The following PKHD1 variants were observed in gnomAD, a reference collection of about 807,000 sequenced individuals.
PKHD1 encodes the protein PKHD1 ciliary IPT domain containing fibrocystin/polyductin.
A neutral mutation model predicts 412.0 loss-of-function variants in PKHD1; 291 were observed. That is an observed-to-expected ratio of 0.71 (90% CI 0.64 to 0.78). The LOEUF is 0.78. Ranked by LOEUF, PKHD1 falls within the 30% of genes least tolerant of loss-of-function variation. PKHD1 has a pLI of 0.00. For synonymous variants in PKHD1, 1,777 were observed against 1,821.5 expected (o/e 0.98, Z 0.62); for missense variants, 4,825 against 4,950.7 (o/e 0.97, Z 0.76).
At chr6:51,975,639 A>AAAG (rs1267579933) in intron 35 of PKHD1, 15 of 150,742 alleles carry the variant, frequency 1.0e-4, no homozygotes, top group Admixed American at 2.6e-4. Context: ...AAAAAAAAAA[A>AAAG]AACAAAAAGA....
At chr6:51,770,824 G>C (rs1390092168) in intron 55 of PKHD1, among the ~76,000 whole-genome samples, 1 of 151,884 alleles carries the variant, frequency 6.6e-6, no homozygotes, top group Non-Finnish European at 1.5e-5. Flanking sequence ...TGTCATATTT[G>C]CTAAGCTATT....
intron 61 of PKHD1, among the ~76,000 whole-genome samples, chr6:51,651,443 T>C (rs976765528): frequency 6.6e-6 from 1 of 152,150 alleles, no homozygotes; most frequent in African/African-American, 2.4e-5. Flanking sequence ...TGAAATTGTT[T>C]AATCTGCTAA....
chr6:51,965,556 A>T (rs1020356359), intron 35 of PKHD1, among the ~76,000 whole-genome samples: 1 of 152,022 alleles, frequency 6.6e-6, no homozygotes. Flanking sequence ...TGCAGGCTCT[A>T]AGTGATCACT....
chr6:51,624,606 CT>C (rs1286896188), intron 66 of PKHD1, among the ~76,000 whole-genome samples: 1 of 151,942 alleles, frequency 6.6e-6, no homozygotes, highest in East Asian at 1.9e-4. Context: ...AGGGGCGGGT[CT>C]TTTTTTTCCC....
intron 22 of PKHD1, among the ~76,000 whole-genome samples, chr6:52,049,776 T>G (rs1001847030): frequency 6.6e-6 from 1 of 152,136 alleles, no homozygotes; most frequent in African/African-American, 2.4e-5. Flanking sequence ...AGGAATGCAA[T>G]GAAAAGAACA....
Position 51,887,147 on chromosome 6 carries a change from T to C in PKHD1, c.7095A>G (p.Ala2365=), listed in dbSNP as rs1778339251. ...APLLSFTQNI[A]HSCTRYGLFV... Reference sequence around the variant, plus strand: ...CCCAAAGTTACCTGGTACAAGAATGTGCAATGTTCTGAGTGAAGGAAAGAA... The same window carrying C: ...CCCAAAGTTACCTGGTACAAGAATGCGCAATGTTCTGAGTGAAGGAAAGAA... The change falls in exon 44 of 67, where the codon GCA becomes GCG. Residue 2365 remains alanine (A), a synonymous_variant. Transcript: ENST00000371117. 1.9e-6 allele frequency: 3 copies of C among 1,606,172 alleles called. No homozygotes were observed. Among genetic ancestry groups the C allele is most frequent in the African/African-American group, 1.3e-5 (1 of 74,762 alleles).
chr6:51,759,858 C>A (rs9357706), intron 55 of PKHD1, among the ~76,000 whole-genome samples: 3 of 151,956 alleles, frequency 2.0e-5, no homozygotes, highest in African/African-American at 7.2e-5. Context: ...TTTAGCTAAC[C>A]ACCTAACTAG....
intron 64 of PKHD1, among the ~76,000 whole-genome samples, chr6:51,635,604 A>G (rs773605233): frequency 6.6e-6 from 1 of 152,066 alleles, no homozygotes; most frequent in Non-Finnish European, 1.5e-5. Flanking sequence ...ATACATAGAT[A>G]CTATAAAGCC....
chr6:51,662,125 G>A (rs1772958412), intron 60 of PKHD1, among the ~76,000 whole-genome samples: 1 of 151,608 alleles, frequency 6.6e-6, no homozygotes, highest in Admixed American at 6.6e-5. Context: ...TTAAAATTTG[G>A]GGAATGAAGT....
chr6:51,896,017 A>G (rs1170727783), intron 43 of PKHD1, among the ~76,000 whole-genome samples: 1 of 152,160 alleles, frequency 6.6e-6, no homozygotes, highest in Non-Finnish European at 1.5e-5. Context: ...GGAGGGTCCT[A>G]TGCCCACGGA....
At chr6:51,715,381 A>C (rs1275883268) in intron 60 of PKHD1, among the ~76,000 whole-genome samples, 1 of 152,192 alleles carries the variant, frequency 6.6e-6, no homozygotes, top group African/African-American at 2.4e-5. Context: ...TCCTTCTAAC[A>C]TGCAGAGAAA....
At chr6:52,008,554 AGATGATGG>A (rs2059818950) in intron 35 of PKHD1, among the ~76,000 whole-genome samples, 1 of 152,212 alleles carries the variant, frequency 6.6e-6, no homozygotes. Flanking sequence ...TTAGACTTTG[AGATGATGG>A]GAAATTAAAT....
rs1222982967 is a variant in PKHD1, at chr6:52,086,079, T to C, written c.-84-1062A>G. On this transcript the variant is annotated intron_variant, in intron 1 of 66. Transcript: ENST00000371117. ...TTTAATATATATATACATACCTACATACACACACACACATACACACACACA... is the reference window on the plus strand; with the variant it reads ...TTTAATATATATATACATACCTACACACACACACACACATACACACACACA... Among the ~76,000 whole-genome samples, 3 of 146,434 alleles carry C rather than the reference T, an allele frequency of 2.0e-5. No individual in the cohort carries two copies. In the East Asian group the frequency reaches 5.9e-4, roughly 29 times the overall value.
chr6:52,016,126 C>T (rs1351530551), intron 34 of PKHD1, among the ~76,000 whole-genome samples: 1 of 152,188 alleles, frequency 6.6e-6, no homozygotes, highest in African/African-American at 2.4e-5. Context: ...ATACCCAGCA[C>T]TCCATTTCCT....
Position 51,906,299 on chromosome 6 carries a change from T to C in PKHD1, c.6724A>G (p.Arg2242Gly). 6.2e-7 allele frequency: 1 copy of C among 1,602,172 alleles called. No homozygotes were observed. Among genetic ancestry groups the C allele is most frequent in the Non-Finnish European group, 8.6e-7 (1 of 1,169,402 alleles). Residue 2242 changes from arginine to glycine, a missense_variant, in exon 41 of 67, where the codon AGA becomes GGA. Coordinates refer to ENST00000371117, the MANE Select transcript of PKHD1 (RefSeq NM_138694.4). ...QGCTVRNSFS[R>G]GLSMCGTLGL... ...AAGGTCCCGCACATGCTGAGGCCTC[T>C]ACTGAAGGAGTTCCTCACTGTGCAG...
intron 29 of PKHD1, among the ~76,000 whole-genome samples, chr6:52,028,787 C>T (rs1471191876): frequency 1.3e-5 from 2 of 152,226 alleles, no homozygotes; most frequent in African/African-American, 4.8e-5. Context: ...GCTGGGATTA[C>T]AGGGGTAAGC....
chr6:51,758,749 A>C (rs1787487701), intron 55 of PKHD1, among the ~76,000 whole-genome samples: 1 of 152,158 alleles, frequency 6.6e-6, no homozygotes, highest in Admixed American at 6.6e-5. Context: ...ATATCAGTAC[A>C]GTTTCTTTAT....
chr6:51,928,036 G>A (rs1479980437), intron 37 of PKHD1, among the ~76,000 whole-genome samples: 1 of 152,112 alleles, frequency 6.6e-6, no homozygotes, highest in Non-Finnish European at 1.5e-5. Flanking sequence ...ACCCAACAGA[G>A]GATATAGGTG....
At position 51,870,598 on chromosome 6, in the gene PKHD1, T is replaced by C. The variant is rs1775822734; in HGVS notation, c.7392A>G (p.Arg2464=). 1 of 1,609,672 alleles carries C rather than the reference T, an allele frequency of 6.2e-7. No individual in the cohort carries two copies. Among genetic ancestry groups the C allele is most frequent in the Non-Finnish European group, 8.5e-7 (1 of 1,175,982 alleles). The change falls in exon 47 of 67, where the codon AGA becomes AGG. Residue 2464 remains arginine (R), a synonymous_variant. Coordinates refer to ENST00000371117, the MANE Select transcript of PKHD1 (RefSeq NM_138694.4). ...TTGTGTTAGACACCATCAGTTCCCA[T>C]CTTTTAGGAGTTTTAATCCCAGATG... The part of the protein sequence containing the change: ...CMSSGIKTPK[R]WELMVSNTTF...
Sources: gnomAD v4.1 joint callset for allele counts (sites outside exome capture counted in the v4.1 genomes callset) on GRCh38, gnomAD v4.1.1 for gene constraint, MANE v1.5 for transcripts, NCBI Gene and HGNC (gene_info 2026-07-23, HGNC 2026-07-21) for gene names.